Variants in PCCA observed in about 807,000 individuals in gnomAD.
The protein encoded by PCCA is propionyl-CoA carboxylase alpha chain, mitochondrial.
A neutral mutation model predicts 101.3 loss-of-function variants in PCCA; 74 were observed. The ratio of observed to expected loss-of-function variants is 0.73; its 90% CI spans 0.61 to 0.89. The LOEUF (loss-of-function observed/expected upper bound fraction) is 0.89. PCCA is among the 40% of genes least tolerant of loss of function. The probability of loss-of-function intolerance (pLI) is 0.00; values close to 1 mark genes in which losing one functional copy is unlikely to be tolerated. For synonymous variants in PCCA, 294 were observed against 313.6 expected (o/e 0.94, Z 0.66); for missense variants, 891 against 907.0 (o/e 0.98, Z 0.23).
intron 16 of PCCA, among the ~76,000 whole-genome samples, chr13:100,325,512 T>TGCAG (rs1351893029): frequency 2.0e-5 from 3 of 152,100 alleles, no homozygotes; most frequent in African/African-American, 4.8e-5. Context: ...AGGTTTTTAA[T>TGCAG]GCAGACGCAA....
intron 6 of PCCA, among the ~76,000 whole-genome samples, chr13:100,208,223 G>A (rs534579135): frequency 2.0e-5 from 3 of 152,118 alleles, no homozygotes; most frequent in South Asian, 2.1e-4. Context: ...CTTCCTGCTC[G>A]GGGTGGGTTT....
intron 4 of PCCA, among the ~76,000 whole-genome samples, chr13:100,138,321 T>C (rs2051428798): frequency 2.0e-5 from 3 of 152,232 alleles, no homozygotes; most frequent in African/African-American, 7.2e-5. Context: ...TCCTATGGTC[T>C]ATTGAAAATT....
chr13:100,519,965 G>T (rs1332755355), intron 22 of PCCA, among the ~76,000 whole-genome samples: 1 of 152,142 alleles, frequency 6.6e-6, no homozygotes, highest in Non-Finnish European at 1.5e-5. Context: ...AATAATTGCA[G>T]TAATTAAATT....
chr13:100,338,059 C>T (rs2070766218), intron 17 of PCCA, among the ~76,000 whole-genome samples: 1 of 152,194 alleles, frequency 6.6e-6, no homozygotes, highest in Admixed American at 6.5e-5. Context: ...GTGAGATCTG[C>T]TGACTGGCAG....
At chr13:100,381,201 A>G (rs1041790674) in intron 19 of PCCA, among the ~76,000 whole-genome samples, 4 of 152,096 alleles carry the variant, frequency 2.6e-5, no homozygotes, top group African/African-American at 9.7e-5. Flanking sequence ...TGGCTAACAC[A>G]GTGAAACCCC....
intron 21 of PCCA, among the ~76,000 whole-genome samples, chr13:100,457,805 C>T (rs1200702267): frequency 6.6e-6 from 1 of 152,166 alleles, no homozygotes; most frequent in Non-Finnish European, 1.5e-5. Context: ...ATGTGTGTCA[C>T]TTTTGGTCAG....
chr13:100,302,733 G>A (rs1201213758), intron 13 of PCCA, among the ~76,000 whole-genome samples, 191 bp from the exon 14 acceptor site: 1 of 152,068 alleles, frequency 6.6e-6, no homozygotes. Flanking sequence ...TCTGCTTACA[G>A]TTCTGTTTGA....
At chr13:100,318,679 G>T (rs1276490061) in intron 16 of PCCA, among the ~76,000 whole-genome samples, 1 of 152,054 alleles carries the variant, frequency 6.6e-6, no homozygotes, top group Non-Finnish European at 1.5e-5. Context: ...TTTTACGGCT[G>T]CATAGTATTC....
chr13:100,326,472 A>G (rs1214822782), intron 16 of PCCA, among the ~76,000 whole-genome samples: 2 of 152,242 alleles, frequency 1.3e-5, no homozygotes, highest in Non-Finnish European at 2.9e-5. Flanking sequence ...CTTCTGTGAT[A>G]CTGGCAGTAA....
intron 21 of PCCA, among the ~76,000 whole-genome samples, chr13:100,512,290 T>C (rs1261606547): frequency 3.9e-5 from 6 of 152,162 alleles, no homozygotes; most frequent in Admixed American, 3.9e-4. Flanking sequence ...TTAGACATGA[T>C]TTCACACTGT....
chr13:100,341,375 C>G (rs1221639460), intron 18 of PCCA, among the ~76,000 whole-genome samples: 1 of 152,150 alleles, frequency 6.6e-6, no homozygotes, highest in African/African-American at 2.4e-5. Context: ...CCCCCGATGT[C>G]TGTACACCTC....
chr13:100,205,764 G>A (rs7319383), intron 6 of PCCA, among the ~76,000 whole-genome samples: 3,071 of 152,132 alleles, frequency 0.02, 112 homozygotes, highest in African/African-American at 0.07. Flanking sequence ...GCCTGGCATA[G>A]TCGTTTTTAA....
chr13:100,151,256 C>T (rs551541220), intron 4 of PCCA, among the ~76,000 whole-genome samples: 64 of 152,270 alleles, frequency 4.2e-4, no homozygotes, highest in South Asian at 1.0e-3. Flanking sequence ...ATAGTTGATG[C>T]TAGTAATTTT....
chr13:100,422,119 T>TTTCTTTCTTTTC (rs1226787642), intron 19 of PCCA, among the ~76,000 whole-genome samples: 3 of 82,210 alleles, frequency 3.6e-5, no homozygotes, highest in Non-Finnish European at 8.3e-5. Context: ...TCTTTCTTTC[T>TTTCTTTCTTTTC]TTTCTTTCTT....
At chr13:100,446,413 C>T (rs908902644) in intron 20 of PCCA, among the ~76,000 whole-genome samples, 1 of 152,194 alleles carries the variant, frequency 6.6e-6, no homozygotes, top group South Asian at 2.1e-4. Context: ...CTCATTTAGT[C>T]GGTCTGTCCT....
chr13:100,201,123 C>A (rs189524679), intron 6 of PCCA, among the ~76,000 whole-genome samples: 9 of 151,988 alleles, frequency 5.9e-5, no homozygotes, highest in Non-Finnish European at 1.3e-4. Context: ...ACATAATCTT[C>A]CTGTAATATT....
chr13:100,188,980 T>G (rs964412507), intron 6 of PCCA, among the ~76,000 whole-genome samples: 24 of 152,116 alleles, frequency 1.6e-4, no homozygotes, highest in African/African-American at 5.6e-4. Context: ...GGTGGTTTGC[T>G]GCACCCATCA....
intron 1 of PCCA, among the ~76,000 whole-genome samples, chr13:100,092,580 G>T (rs1252719198): frequency 8.6e-5 from 13 of 152,018 alleles, no homozygotes; most frequent in Admixed American, 5.2e-4. Context: ...TTTTTGTAGA[G>T]ATGGGGTTTT....
At chr13:100,337,051 AG>A (rs1222572267) in intron 17 of PCCA, among the ~76,000 whole-genome samples, 1 of 152,184 alleles carries the variant, frequency 6.6e-6, no homozygotes, top group African/African-American at 2.4e-5. Flanking sequence ...GTCAGATTAC[AG>A]CACTCTTGGT....
Sources: allele counts gnomAD v4.1 joint callset (sites outside exome capture counted in the v4.1 genomes callset), GRCh38; gene constraint gnomAD v4.1.1; transcripts MANE v1.5; gene names NCBI Gene and HGNC (gene_info 2026-07-23, HGNC 2026-07-21).